The following DBNDD1 variants were observed in gnomAD, a reference collection of about 807,000 sequenced individuals.
DBNDD1 encodes dysbindin domain-containing protein 1.
A neutral mutation model predicts 17.0 loss-of-function variants in DBNDD1; 14 were observed. The observed-to-expected ratio is 0.82, with a 90% CI of 0.54 to 1.29. The LOEUF (loss-of-function observed/expected upper bound fraction) is 1.29, where lower values mean the gene tolerates loss of function less well. Ranked by LOEUF, DBNDD1 falls within the 50% of genes most tolerant of loss-of-function variation. DBNDD1 has a pLI of 0.00. For synonymous variants in DBNDD1, 105 were observed against 102.0 expected, an observed-to-expected ratio of 1.03 and a Z score of -0.18; for missense variants, 221 against 216.2, an observed-to-expected ratio of 1.02 and a Z score of -0.14.
At chr16:90,019,613 G>C (rs1164462306), upstream of DBNDD1, 1 of 365,928 alleles carries the variant, frequency 2.7e-6, no homozygotes, top group Admixed American at 4.7e-5. The surrounding 1 kb of genome is among the most constrained non-coding windows in gnomAD (Gnocchi z 6.1). Context: ...CTGGCCCAGC[G>C]GACCCCTCCC....
chr16:90,014,136 T>A (rs2035600095), intron 1 of DBNDD1, among the ~76,000 whole-genome samples: 1 of 148,228 alleles, frequency 6.7e-6, no homozygotes, highest in Non-Finnish European at 1.5e-5. Context: ...ATTATTATTA[T>A]TTTTTTTTTG....
Position 90,006,607 on chromosome 16 carries a change from C to G in DBNDD1, c.320-115G>C, listed in dbSNP as rs894253637. ...CTCCTGCCAATGCTCTGCACCAGCC[C>G]CCTGCACCAGGCATGCACACATCTA... On this transcript the variant is annotated intron_variant, in intron 3 of 3. Transcript: ENST00000002501. 3.7e-6 allele frequency: 5 copies of G among 1,344,588 alleles called. No individual in the cohort carries two copies. The Admixed American group carries it at 8.7e-5, about 24-fold the overall frequency. 83.3% of individuals were successfully genotyped at this position (1,344,588 alleles called of 1,614,324 possible).
At chr16:90,013,511 G>A (rs2035591095) in intron 1 of DBNDD1, among the ~76,000 whole-genome samples, 1 of 152,116 alleles carries the variant, frequency 6.6e-6, no homozygotes. Flanking sequence ...GCCTGTTCCT[G>A]ATCATGGCGT....
chr16:90,006,505 G>A lies in DBNDD1; in HGVS notation c.320-13C>T, dbSNP rs752435671. 3 of 1,593,898 alleles carry A rather than the reference G, an allele frequency of 1.9e-6. No individual in the cohort carries two copies. The highest frequency in any genetic ancestry group is 1.1e-5 in the South Asian group (1 of 90,824). On this transcript the variant is annotated splice_polypyrimidine_tract_variant and intron_variant, in intron 3 of 3. Transcript: ENST00000002501. ...AGCGGGTGCAGACCTAGGGGCATGC[G>A]GGAAGGGGAACTCGGTGTGGCTGAG...
chr16:90,010,126 A>C (rs1322421917), intron 1 of DBNDD1: 2 of 1,373,270 alleles, frequency 1.5e-6, no homozygotes, highest in Non-Finnish European at 2.0e-6. Flanking sequence ...GCTCACTGCA[A>C]CCTCTGCCCC....
intron 1 of DBNDD1, among the ~76,000 whole-genome samples, chr16:90,010,448 GTC>G (rs2035533571): frequency 6.9e-6 from 1 of 145,332 alleles, no homozygotes; most frequent in African/African-American, 2.6e-5. Context: ...GCTCATTGCA[GTC>G]TCCACCTCAC....
intron 1 of DBNDD1, chr16:90,009,909 G>A (rs186858387): frequency 1.1e-5 from 18 of 1,571,204 alleles, no homozygotes; most frequent in African/African-American, 5.4e-5. Context: ...AACTGATGTC[G>A]TATTTGAGTT....
intron 1 of DBNDD1, chr16:90,009,864 C>A: frequency 8.1e-7 from 1 of 1,238,468 alleles, no homozygotes; most frequent in East Asian, 2.4e-5. Flanking sequence ...ACCAGAACAG[C>A]CCCTCTCCAC....
rs978535242 is a variant in DBNDD1, at chr16:90,019,369, G to A, written c.-28C>T. On this transcript the variant is annotated 5_prime_UTR_variant, in exon 1 of 4. Transcript: ENST00000002501. The surrounding 1 kb of genome is among the most constrained non-coding windows in gnomAD (Gnocchi z 6.1). Reference sequence around the variant, plus strand: ...GGCCGGTGCGGTCTGGGAGGGGCACGGGCGACGGCGGCGTCGCCTGGCCCG... The same window carrying A: ...GGCCGGTGCGGTCTGGGAGGGGCACAGGCGACGGCGGCGTCGCCTGGCCCG... 2.0e-5 allele frequency: 24 copies of A among 1,209,992 alleles called. No individual in the cohort carries two copies. The South Asian group carries it at 4.6e-4, about 23-fold the overall frequency. The allele number at this position is 1,209,992 out of a possible 1,614,324, so 75.0% of individuals were successfully genotyped here.
rs771885579 is a variant in DBNDD1, at chr16:90,009,355, G to A, written c.107C>T (p.Thr36Met). ...PAQGTGDNGH[T>M]PVEEEVGGIP... is the part of the protein sequence containing the mutation. ...GCCCCCGACCTCCTCCTCCACAGGC[G>A]TGTGGCCATTGTCCCCTGTCCCCTG... Residue 36 changes from threonine to methionine, a missense_variant, in exon 2 of 4, where the codon ACG becomes ATG. Transcript: ENST00000002501. The A allele has an allele frequency of 1.1e-5, 18 of 1,613,506 alleles. No homozygotes were observed. The highest frequency in any genetic ancestry group is 1.0e-4 in the Admixed American group (6 of 60,026).
At chr16:90,011,726 G>T in intron 1 of DBNDD1, 1 of 452,286 alleles carries the variant, frequency 2.2e-6, no homozygotes. Context: ...CATCCTAAAG[G>T]GTCAAGTTAC....
rs956875055 is a variant in DBNDD1 at position 90,005,379 on chromosome 16, G to C, written c.*956C>G. The C allele has an allele frequency of 2.6e-5, 4 of 152,228 alleles. No homozygotes were observed. The highest frequency in any genetic ancestry group is 4.4e-5 in the Non-Finnish European group (3 of 67,986). 9.4% of individuals were successfully genotyped at this position (152,228 alleles called of 1,614,324 possible). On this transcript the variant is annotated 3_prime_UTR_variant, in exon 4 of 4. Transcript: ENST00000002501. ...GGGAGGGTGTGAGCTGGGGCTCCCAGACACCCCCAGAGCAGAGGGAGCAGG... is the reference window on the plus strand; with the variant it reads ...GGGAGGGTGTGAGCTGGGGCTCCCACACACCCCCAGAGCAGAGGGAGCAGG...
chr16:90,010,145 G>T, intron 1 of DBNDD1: 1 of 1,148,256 alleles, frequency 8.7e-7, no homozygotes, highest in Non-Finnish European at 1.3e-6. Flanking sequence ...CCTTGGGTTT[G>T]AGCGATTCTC....
chr16:90,012,496 G>T (rs1485733001), intron 1 of DBNDD1, among the ~76,000 whole-genome samples: 15 of 145,028 alleles, frequency 1.0e-4, no homozygotes, highest in African/African-American at 3.8e-4. Flanking sequence ...TTTCGTTCTT[G>T]TTGCCCAGGC....
In DBNDD1 at chr16:90,006,289, G is replaced by A; in HGVS notation, c.*46C>T. 1.9e-6 allele frequency: 3 copies of A among 1,564,402 alleles called. No homozygotes were observed. The highest frequency in any genetic ancestry group is 1.3e-5 in the African/African-American group (1 of 74,552). ...GTCAGCACTGCCCAGATCTGCCATC[G>A]TGTTCGGACCCCATCCCTGCAGGAG... On this transcript the variant is annotated 3_prime_UTR_variant, in exon 4 of 4. Coordinates refer to ENST00000002501, the MANE Select transcript of DBNDD1 (RefSeq NM_001042610.3).
intron 1 of DBNDD1, chr16:90,009,802 C>T (rs1023140618): frequency 2.6e-6 from 2 of 780,596 alleles, no homozygotes; most frequent in African/African-American, 3.5e-5. Flanking sequence ...GCCCAGGGTC[C>T]CCTGAAGGAT....
At chr16:90,018,960 C>T (rs984208723) in intron 1 of DBNDD1, among the ~76,000 whole-genome samples, 2 of 152,218 alleles carry the variant, frequency 1.3e-5, no homozygotes, top group African/African-American at 2.4e-5. Flanking sequence ...CCGACAGGGA[C>T]CCCAAACTCC....
At chr16:90,014,061 T>C (rs1402023670) in intron 1 of DBNDD1, among the ~76,000 whole-genome samples, 1 of 151,936 alleles carries the variant, frequency 6.6e-6, no homozygotes, top group African/African-American at 2.4e-5. Flanking sequence ...CTGAGTAAGC[T>C]GAGAGAAGCC....
rs769877718 is a variant in DBNDD1 at position 90,006,306 on chromosome 16, C to T, written c.*29G>A. 14 of 1,587,060 alleles carry T rather than the reference C, an allele frequency of 8.8e-6. No individual in the cohort carries two copies. Among genetic ancestry groups the T allele is most frequent in the South Asian group, 3.4e-5 (3 of 88,256 alleles). ...CTGCCATCGTGTTCGGACCCCATCCCTGCAGGAGCTGGGGCAGGTGGAGAT... is the reference window on the plus strand; with the variant it reads ...CTGCCATCGTGTTCGGACCCCATCCTTGCAGGAGCTGGGGCAGGTGGAGAT... On this transcript the variant is annotated 3_prime_UTR_variant, in exon 4 of 4. Coordinates refer to ENST00000002501, the MANE Select transcript of DBNDD1 (RefSeq NM_001042610.3).
Sources: gnomAD v4.1 joint callset for allele counts (sites outside exome capture counted in the v4.1 genomes callset) on GRCh38, gnomAD v4.1.1 for gene constraint, Gnocchi (gnomAD v3.1) non-coding constraint, MANE v1.5 for transcripts, NCBI Gene and HGNC (gene_info 2026-07-23, HGNC 2026-07-21) for gene names.